The following DSG3 variants were observed in gnomAD, a reference collection of about 807,000 sequenced individuals.
DSG3 encodes the protein desmoglein 3.
A neutral mutation model predicts 85.9 loss-of-function variants in DSG3; 63 were observed. That is an observed-to-expected ratio of 0.73 (90% CI 0.60 to 0.90). DSG3 has a LOEUF of 0.90. Ranked by LOEUF, DSG3 falls within the 40% of genes least tolerant of loss-of-function variation. The pLI, the probability that DSG3 is intolerant of heterozygous loss-of-function variation, is 0.00. For missense variants in DSG3, 1,220 were observed against 1,219.9 expected, an observed-to-expected ratio of 1.00 and a Z score of 0.00; for synonymous variants, 447 against 441.9, an observed-to-expected ratio of 1.01 and a Z score of -0.14.
chr18:31,464,400 T>A lies in DSG3; in HGVS notation c.1271+18T>A. 3 of 1,591,566 alleles carry A rather than the reference T, an allele frequency of 1.9e-6. No individual in the cohort carries two copies. The highest frequency in any genetic ancestry group is 2.6e-6 in the Non-Finnish European group (3 of 1,168,660). ...AATGTCAAGTAAGACTATTTTTATT[T>A]ATATCCTATTTCTTGATGAGGTTTT... On this transcript the variant is annotated intron_variant, in intron 9 of 15. Transcript: ENST00000257189.
chr18:31,468,515 A>G (rs949680050), intron 11 of DSG3, among the ~76,000 whole-genome samples: 2 of 152,180 alleles, frequency 1.3e-5, no homozygotes, highest in Non-Finnish European at 2.9e-5. Flanking sequence ...TGCAACAGAG[A>G]GGACAAGGAG....
Position 31,474,827 on chromosome 18 carries a change from T to G in DSG3, c.2385+423T>G, listed in dbSNP as rs371418124. Among the ~76,000 whole-genome samples, 5 of 152,178 alleles carry G rather than the reference T, an allele frequency of 3.3e-5. No individual in the cohort carries two copies. The East Asian group carries it at 5.8e-4, about 18-fold the overall frequency. On this transcript the variant is annotated intron_variant, in intron 15 of 15. Transcript: ENST00000257189. ...ACATGAGAGCATATAGCAAGTAGTA[T>G]CTCATTCCTCCAACTGAACAAACAA...
intron 12 of DSG3, among the ~76,000 whole-genome samples, chr18:31,471,978 G>A (rs1454584581): frequency 6.6e-6 from 1 of 152,090 alleles, no homozygotes; most frequent in African/African-American, 2.4e-5. Context: ...ATGTATTAAG[G>A]AAAAGGATTG....
chr18:31,466,748 C>T lies in DSG3; in HGVS notation c.1630C>T (p.Leu544Phe). ...GCCTGCCGTATGGAGTATCACAACC[C>T]TCAATGGTGAGTAACAGTAAAGTTG... ...KLPAVWSITT[L>F]NATSALLRAQ... The change falls in exon 11 of 16, where the codon CTC (leucine) becomes TTC (phenylalanine). Residue 544 changes from leucine (L) to phenylalanine (F), a missense_variant. Coordinates refer to ENST00000257189, the MANE Select transcript of DSG3 (RefSeq NM_001944.3). 4 of 1,613,764 alleles carry T rather than the reference C, an allele frequency of 2.5e-6. No individual in the cohort carries two copies. Among genetic ancestry groups the T allele is most frequent in the Non-Finnish European group, 3.4e-6 (4 of 1,179,720 alleles).
chr18:31,451,088 T>C (rs975756351), intron 1 of DSG3, among the ~76,000 whole-genome samples: 1 of 152,204 alleles, frequency 6.6e-6, no homozygotes. Context: ...AAATGTGGTA[T>C]TTATCAGTTT....
chr18:31,449,250 T>G (rs983490257), intron 1 of DSG3, among the ~76,000 whole-genome samples: 1 of 152,174 alleles, frequency 6.6e-6, no homozygotes, highest in Non-Finnish European at 1.5e-5. Flanking sequence ...TACCTGATTT[T>G]ATTTGAAAGG....
intron 7 of DSG3, 79 bp from the exon 8 acceptor site, chr18:31,461,148 G>T: frequency 2.3e-6 from 3 of 1,312,008 alleles, no homozygotes; most frequent in Non-Finnish European, 3.1e-6. Context: ...GAGAAATAAG[G>T]ATTACCATTT....
Position 31,459,916 on chromosome 18 carries a change from A to C in DSG3, c.589A>C (p.Lys197Gln). The change falls in exon 6 of 16, where the codon AAA becomes CAA. Residue 197 changes from lysine to glutamine, a missense_variant. Lys to Gln is a moderately conservative substitution (Grantham distance 53, BLOSUM62 1). Coordinates refer to ENST00000257189, the MANE Select transcript of DSG3 (RefSeq NM_001944.3). The part of the protein sequence containing the change: ...PNHLNSKIAF[K>Q]IVSQEPAGTP... ...CCACTTGAATTCTAAAATTGCCTTC[A>C]AAATTGTCTCTCAGGAACCAGCAGG... 1.9e-6 allele frequency: 3 copies of C among 1,614,136 alleles called. No homozygotes were observed. The highest frequency in any genetic ancestry group is 2.5e-6 in the Non-Finnish European group (3 of 1,179,994).
At chr18:31,473,750 A>G (rs117543671) in intron 14 of DSG3, among the ~76,000 whole-genome samples, 3,337 of 152,316 alleles carry the variant, frequency 0.022, 57 homozygotes, top group South Asian at 0.05. Context: ...TGGTTTCCAT[A>G]CTGAGCTCAT....
At chr18:31,469,384 G>C (rs1473953958) in intron 12 of DSG3, 35 bp downstream of exon 12, 1 of 1,607,582 alleles carries the variant, frequency 6.2e-7, no homozygotes, top group African/African-American at 1.3e-5. Context: ...TGTTGGACCA[G>C]GTGTCCTCAT....
chr18:31,455,071 G>A (rs984887444), intron 1 of DSG3, among the ~76,000 whole-genome samples: 2 of 151,622 alleles, frequency 1.3e-5, no homozygotes, highest in African/African-American at 4.9e-5. Flanking sequence ...ATGCTCTGGA[G>A]TTAGGCTACT....
At chr18:31,464,073 T>A (rs2072801601) in intron 8 of DSG3, 38 bp from the exon 9 acceptor site, 1 of 1,588,908 alleles carries the variant, frequency 6.3e-7, no homozygotes, top group African/African-American at 1.3e-5. Flanking sequence ...GGGAGTGTAT[T>A]TTTGTGAAAC....
chr18:31,448,856 G>A (rs2072694492), intron 1 of DSG3, among the ~76,000 whole-genome samples: 1 of 152,098 alleles, frequency 6.6e-6, no homozygotes, highest in Non-Finnish European at 1.5e-5. Flanking sequence ...AGAAGTCACA[G>A]GGAGATAGAT....
chr18:31,451,014 A>G (rs2072708362), intron 1 of DSG3, among the ~76,000 whole-genome samples: 1 of 152,202 alleles, frequency 6.6e-6, no homozygotes, highest in Admixed American at 6.5e-5. Context: ...TTAAATTGAC[A>G]GGAAAAAATA....
intron 12 of DSG3, among the ~76,000 whole-genome samples, chr18:31,471,386 GC>G (rs1251501726): frequency 6.6e-6 from 1 of 152,172 alleles, no homozygotes; most frequent in African/African-American, 2.4e-5. Context: ...AGTTAACTGA[GC>G]AAAGAAGGAT....
At chr18:31,459,304 T>A in intron 5 of DSG3, 127 bp downstream of exon 5, 1 of 926,474 alleles carries the variant, frequency 1.1e-6, no homozygotes, top group Non-Finnish European at 1.6e-6. Flanking sequence ...AAAATAAAAT[T>A]CATTAAGATA....
At chr18:31,462,299 T>C (rs1049044561) in intron 8 of DSG3, among the ~76,000 whole-genome samples, 1 of 152,196 alleles carries the variant, frequency 6.6e-6, no homozygotes, top group African/African-American at 2.4e-5. Flanking sequence ...CTCGAACTCC[T>C]GATCTCAAGT....
chr18:31,475,359 T>G (rs1469229813), intron 15 of DSG3, among the ~76,000 whole-genome samples: 2 of 152,056 alleles, frequency 1.3e-5, no homozygotes, highest in Non-Finnish European at 2.9e-5. Flanking sequence ...ATGAGGACTC[T>G]TGGGATATTT....
chr18:31,458,499 G>A lies in DSG3; in HGVS notation c.271G>A (p.Gly91Arg), dbSNP rs1416916823. ...QKITYRISGV[G>R]IDQPPFGIFV... is the part of the protein sequence containing the mutation. ...AATCACCTACCGAATCTCTGGAGTG[G>A]GAATCGATCAGCCGCCTTTTGGAAT... The change falls in exon 4 of 16, where the codon GGA becomes AGA. Residue 91 changes from glycine to arginine, a missense_variant. Transcript: ENST00000257189. The A allele has an allele frequency of 6.8e-6, 11 of 1,614,080 alleles. No homozygotes were observed. Among genetic ancestry groups the A allele is most frequent in the Non-Finnish European group, 9.3e-6 (11 of 1,179,980 alleles).
Sources: allele counts gnomAD v4.1 joint callset (sites outside exome capture counted in the v4.1 genomes callset), GRCh38; gene constraint gnomAD v4.1.1; transcripts MANE v1.5; gene names NCBI Gene and HGNC (gene_info 2026-07-23, HGNC 2026-07-21).